The following NCOA1 variants were observed in gnomAD, a reference collection of about 807,000 sequenced individuals.
NCOA1 encodes the protein Hin-2 protein.
NCOA1 carries 35 observed loss-of-function variants against 150.9 expected under a neutral mutation model. The ratio of observed to expected loss-of-function variants is 0.23; its 90% CI spans 0.18 to 0.31. The LOEUF (loss-of-function observed/expected upper bound fraction) is 0.31. Among genes scored for constraint, NCOA1 ranks in the 10% least tolerant of loss-of-function variants. The pLI, the probability that NCOA1 is intolerant of heterozygous loss-of-function variation, is 1.00. For missense variants in NCOA1, 1,491 were observed against 1,749.3 expected (o/e 0.85, Z 2.63); for synonymous variants, 590 against 630.0 (o/e 0.94, Z 0.95).
At chr2:24,697,608 G>T (rs184930380) in intron 10 of NCOA1, 50 bp from the exon 11 acceptor site, 8 of 1,469,192 alleles carry the variant, frequency 5.4e-6, no homozygotes, top group Admixed American at 4.0e-5. Flanking sequence ...AAATACAGAT[G>T]ATTTATATAA....
intron 3 of NCOA1, among the ~76,000 whole-genome samples, chr2:24,635,088 C>A (rs1010467744): frequency 6.6e-6 from 1 of 152,040 alleles, no homozygotes; most frequent in Non-Finnish European, 1.5e-5. Context: ...GTAATAATTA[C>A]TAAATAATTA....
chr2:24,554,892 C>T (rs773013955), intron 1 of NCOA1, among the ~76,000 whole-genome samples: 5 of 152,176 alleles, frequency 3.3e-5, no homozygotes, highest in Non-Finnish European at 5.9e-5. Flanking sequence ...GTCCGCTTCT[C>T]TACTTACCGT....
At chr2:24,492,926 G>A (rs1018512057) in intron 1 of NCOA1, among the ~76,000 whole-genome samples, 2 of 150,716 alleles carry the variant, frequency 1.3e-5, no homozygotes, top group African/African-American at 4.9e-5. Context: ...ATTTGTTTGA[G>A]GTTTGTCTCC....
At chr2:24,625,686 T>C (rs1258867004) in intron 3 of NCOA1, among the ~76,000 whole-genome samples, 20 of 152,034 alleles carry the variant, frequency 1.3e-4, no homozygotes. Context: ...TCCAGATGTT[T>C]GTATGTATTT....
At chr2:24,706,538 G>A (rs1673441214) in intron 12 of NCOA1, 30 bp from the exon 13 acceptor site, 2 of 1,546,374 alleles carry the variant, frequency 1.3e-6, no homozygotes, top group East Asian at 4.5e-5. Flanking sequence ...AAATGAAGAT[G>A]TTTGAATAAT....
At chr2:24,636,385 A>G (rs1194579926) in intron 3 of NCOA1, among the ~76,000 whole-genome samples, 1 of 152,162 alleles carries the variant, frequency 6.6e-6, no homozygotes, top group African/African-American at 2.4e-5. Flanking sequence ...GTTGTTTGCT[A>G]CATTTGTATA....
At chr2:24,667,581 G>A (rs1671488863) in intron 6 of NCOA1, among the ~76,000 whole-genome samples, 1 of 151,712 alleles carries the variant, frequency 6.6e-6, no homozygotes, top group Admixed American at 6.6e-5. Context: ...ATGAGGGAAG[G>A]TATTTCATCA....
At chr2:24,521,736 A>T (rs1280608443) in intron 1 of NCOA1, among the ~76,000 whole-genome samples, 1 of 152,110 alleles carries the variant, frequency 6.6e-6, no homozygotes, top group Non-Finnish European at 1.5e-5. Flanking sequence ...ATTTCCTCTG[A>T]TGTATACCCA....
At chr2:24,538,260 A>G (rs1185919039) in intron 1 of NCOA1, among the ~76,000 whole-genome samples, 5 of 152,314 alleles carry the variant, frequency 3.3e-5, no homozygotes, top group Non-Finnish European at 7.4e-5. Flanking sequence ...AAGAACAGTC[A>G]TATTCAAAAG....
At chr2:24,581,963 G>C (rs1667210971) in intron 2 of NCOA1, among the ~76,000 whole-genome samples, 1 of 152,096 alleles carries the variant, frequency 6.6e-6, no homozygotes, top group Non-Finnish European at 1.5e-5. Context: ...TCTCAATACA[G>C]TTAAAGGCCA....
At chr2:24,575,678 A>G (rs1666926430) in intron 2 of NCOA1, among the ~76,000 whole-genome samples, 1 of 148,926 alleles carries the variant, frequency 6.7e-6, no homozygotes, top group Non-Finnish European at 1.5e-5. Flanking sequence ...GGTTCACGCC[A>G]TTCTCCTGCC....
chr2:24,714,060 G>T (rs1010151535), intron 14 of NCOA1, among the ~76,000 whole-genome samples: 1 of 152,132 alleles, frequency 6.6e-6, no homozygotes, highest in Non-Finnish European at 1.5e-5. Flanking sequence ...CACAAGATTG[G>T]AAGATAATCA....
At chr2:24,493,823 C>T (rs761523130) in intron 1 of NCOA1, among the ~76,000 whole-genome samples, 2 of 152,120 alleles carry the variant, frequency 1.3e-5, no homozygotes, top group African/African-American at 2.4e-5. Context: ...TAGCATGAAG[C>T]GGGTGTGATG....
intron 1 of NCOA1, among the ~76,000 whole-genome samples, chr2:24,531,485 A>G (rs1160479701): frequency 6.6e-6 from 1 of 152,138 alleles, no homozygotes; most frequent in East Asian, 1.9e-4. Context: ...GTTGTAGGGT[A>G]CATGTGCACA....
rs745313939 is a variant in NCOA1 at position 24,728,303 on chromosome 2, T to C, written c.2718-5T>C. On this transcript the variant is annotated splice_polypyrimidine_tract_variant and splice_region_variant and intron_variant, in intron 15 of 22. Coordinates refer to ENST00000348332, the MANE Select transcript of NCOA1 (RefSeq NM_003743.5). ...CTGAAACTTTCTTGTTTTTTAATCC[T>C]GCAGCCAGTGTATTAGCTCACAATT... The C allele has an allele frequency of 1.2e-6, 2 of 1,601,536 alleles. No homozygotes were observed. Among genetic ancestry groups the C allele is most frequent in the South Asian group, 2.3e-5 (2 of 88,488 alleles).
At chr2:24,559,533 C>T (rs1051331959) in intron 1 of NCOA1, among the ~76,000 whole-genome samples, 3 of 152,178 alleles carry the variant, frequency 2.0e-5, no homozygotes, top group Non-Finnish European at 4.4e-5. Flanking sequence ...TGGTGCAGAG[C>T]AGGCTTCTCT....
chr2:24,587,851 T>C (rs1031667962), intron 3 of NCOA1, among the ~76,000 whole-genome samples: 7 of 152,202 alleles, frequency 4.6e-5, no homozygotes, highest in African/African-American at 1.7e-4. Context: ...CCTGGTCCCA[T>C]GGACAAAAAT....
At chr2:24,497,540 C>CGG (rs1558742371) in intron 1 of NCOA1, among the ~76,000 whole-genome samples, 2 of 152,042 alleles carry the variant, frequency 1.3e-5, no homozygotes, top group African/African-American at 4.8e-5. Flanking sequence ...GGTGTGGTGG[C>CGG]GCAAGCCTGT....
chr2:24,532,501 G>A (rs1664943300), intron 1 of NCOA1, among the ~76,000 whole-genome samples: 1 of 152,056 alleles, frequency 6.6e-6, no homozygotes, highest in African/African-American at 2.4e-5. Context: ...CATTGCTTTT[G>A]GTGTTTTAGA....
Sources: allele counts gnomAD v4.1 joint callset (sites outside exome capture counted in the v4.1 genomes callset), GRCh38; gene constraint gnomAD v4.1.1; transcripts MANE v1.5; gene names NCBI Gene and HGNC (gene_info 2026-07-23, HGNC 2026-07-21).